The following LTBP1 variants were observed in gnomAD, a reference collection of about 807,000 sequenced individuals.
LTBP1 encodes the protein latent-transforming growth factor beta-binding protein 1.
Under a neutral mutation model 207.6 loss-of-function variants are expected in LTBP1, and 129 were observed. The observed-to-expected ratio is 0.62, with a 90% CI of 0.54 to 0.72. The LOEUF (loss-of-function observed/expected upper bound fraction) is 0.72. LTBP1 is among the 30% of genes least tolerant of loss of function. The pLI, the probability that LTBP1 is intolerant of heterozygous loss-of-function variation, is 0.00. For missense variants in LTBP1, 2,281 were observed against 2,217.2 expected, an observed-to-expected ratio of 1.03 and a Z score of -0.58; for synonymous variants, 963 against 833.7, an observed-to-expected ratio of 1.16 and a Z score of -2.67.
chr2:33,050,964 C>T (rs1193186619), intron 3 of LTBP1, among the ~76,000 whole-genome samples: 2 of 152,188 alleles, frequency 1.3e-5, no homozygotes, highest in East Asian at 3.9e-4. Context: ...ACCTTGTGAT[C>T]CACCCACCTT....
At chr2:33,114,500 G>A (rs940055510) in intron 4 of LTBP1, among the ~76,000 whole-genome samples, 21 of 152,102 alleles carry the variant, frequency 1.4e-4, no homozygotes, top group Admixed American at 2.6e-4. Flanking sequence ...TGCCTGGAAC[G>A]TGACAAAAGC....
chr2:33,161,262 C>CTTTT (rs531382337), intron 5 of LTBP1, among the ~76,000 whole-genome samples: 3 of 135,434 alleles, frequency 2.2e-5, no homozygotes, highest in East Asian at 2.1e-4. Flanking sequence ...TTTTTTTTTC[C>CTTTT]TTTTTTTTTT....
rs2078186398 is a variant in LTBP1, at chr2:33,078,176, A to C, written c.864-32406A>C. Among the ~76,000 whole-genome samples the C allele has an allele frequency of 2.0e-5, 3 of 152,206 alleles. No individual in the cohort carries two copies. The South Asian group carries it at 6.2e-4, about 32-fold the overall frequency. The stretch of plus-strand genomic sequence containing the variant: ...ATGAAATGTGATAACTGCTGTTGTA[A>C]CAGCATGAACTTGGTGTTAATCACA... On this transcript the variant is annotated intron_variant, in intron 3 of 33. Coordinates refer to ENST00000404816, the MANE Select transcript of LTBP1 (RefSeq NM_206943.4).
At chr2:33,303,456 T>A (rs2094027495) in intron 22 of LTBP1, among the ~76,000 whole-genome samples, 1 of 151,298 alleles carries the variant, frequency 6.6e-6, no homozygotes, top group South Asian at 2.1e-4. Context: ...TTCACACCAT[T>A]CTCCTGCCTC....
At chr2:33,370,207 T>A (rs1211823185) in intron 31 of LTBP1, among the ~76,000 whole-genome samples, 2 of 152,238 alleles carry the variant, frequency 1.3e-5, no homozygotes, top group East Asian at 1.9e-4. Flanking sequence ...CTAATAGGCG[T>A]CTCAGATCAA....
intron 19 of LTBP1, among the ~76,000 whole-genome samples, chr2:33,284,266 T>A (rs1230601869): frequency 6.6e-6 from 1 of 152,210 alleles, no homozygotes; most frequent in Non-Finnish European, 1.5e-5. Flanking sequence ...AGGGACTACA[T>A]TTTTTCCCTA....
At chr2:33,274,042 A>T (rs1022056853) in intron 16 of LTBP1, among the ~76,000 whole-genome samples, 1 of 152,256 alleles carries the variant, frequency 6.6e-6, no homozygotes, top group African/African-American at 2.4e-5. Flanking sequence ...CTTTTTGGGT[A>T]AAGTAAACAA....
intron 2 of LTBP1, among the ~76,000 whole-genome samples, chr2:32,985,585 G>T (rs188026042): frequency 6.6e-6 from 1 of 152,296 alleles, no homozygotes; most frequent in African/African-American, 2.4e-5. Context: ...GGATTTCCCA[G>T]ACTACAGATG....
intron 26 of LTBP1, among the ~76,000 whole-genome samples, chr2:33,354,850 C>G (rs1573986468): frequency 1.3e-5 from 2 of 152,136 alleles, no homozygotes; most frequent in African/African-American, 4.8e-5. Context: ...AAGTGATCCT[C>G]CCACCTCAGC....
chr2:33,374,401 G>T (rs2095110392), intron 31 of LTBP1, among the ~76,000 whole-genome samples: 1 of 152,148 alleles, frequency 6.6e-6, no homozygotes, highest in Non-Finnish European at 1.5e-5. Flanking sequence ...CAATCACTAT[G>T]AAAGCATTTA....
chr2:33,079,545 C>T (rs1221243137), intron 3 of LTBP1, among the ~76,000 whole-genome samples: 3 of 152,120 alleles, frequency 2.0e-5, no homozygotes, highest in Non-Finnish European at 4.4e-5. Context: ...TCAGGCATTT[C>T]CATTTTTACC....
chr2:32,957,597 G>A (rs1028600766), intron 2 of LTBP1, among the ~76,000 whole-genome samples: 4 of 152,082 alleles, frequency 2.6e-5, no homozygotes, highest in African/African-American at 9.7e-5. Context: ...AAAGATCACC[G>A]ATCACATATC....
intron 18 of LTBP1, among the ~76,000 whole-genome samples, chr2:33,276,252 T>G: frequency 6.6e-6 from 1 of 152,222 alleles, no homozygotes; most frequent in East Asian, 1.9e-4. Flanking sequence ...GGGAACATGC[T>G]GCAGGTGTAA....
rs1248832634 is a variant in LTBP1, at chr2:33,263,316, T to G, written c.2541T>G (p.Pro847=). The change falls in exon 15 of 34, where the codon CCT becomes CCG. Residue 847 remains proline, a synonymous_variant. Coordinates refer to ENST00000404816, the MANE Select transcript of LTBP1 (RefSeq NM_206943.4). ...TAGTAGTGATTGAAAAAACATCACCTCCTGTGCCTGTTGAAGTAGCTCCTG... is the reference window on the plus strand; with the variant it reads ...TAGTAGTGATTGAAAAAACATCACCGCCTGTGCCTGTTGAAGTAGCTCCTG... ...QFPVVIEKTS[P]PVPVEVAPEA... is the part of the protein sequence containing the mutation. 2 of 1,613,496 alleles carry G rather than the reference T, an allele frequency of 1.2e-6. No homozygotes were observed. Among genetic ancestry groups the G allele is most frequent in the Admixed American group, 3.3e-5 (2 of 60,012 alleles).
chr2:33,220,298 C>T (rs1018261909), intron 8 of LTBP1, among the ~76,000 whole-genome samples: 1 of 152,008 alleles, frequency 6.6e-6, no homozygotes, highest in Non-Finnish European at 1.5e-5. Context: ...AGCAGACTTT[C>T]CTTGGCTTTC....
chr2:33,363,882 A>G (rs901164747), intron 29 of LTBP1, among the ~76,000 whole-genome samples: 2 of 152,244 alleles, frequency 1.3e-5, no homozygotes, highest in Admixed American at 1.3e-4. Flanking sequence ...GCAGAAAACC[A>G]TATACACTAG....
chr2:33,107,858 C>T (rs966040096), intron 3 of LTBP1, among the ~76,000 whole-genome samples: 1 of 152,090 alleles, frequency 6.6e-6, no homozygotes, highest in Non-Finnish European at 1.5e-5. Context: ...TGAAAAATTA[C>T]GGTTACATTG....
At chr2:32,949,174 T>G (rs941102267) in intron 2 of LTBP1, among the ~76,000 whole-genome samples, 1 of 152,230 alleles carries the variant, frequency 6.6e-6, no homozygotes, top group African/African-American at 2.4e-5. Flanking sequence ...CCAAGACTTC[T>G]CTGAACTCAA....
chr2:33,259,537 G>C lies in LTBP1; in HGVS notation c.2396-51G>C. The C allele has an allele frequency of 1.5e-6, 2 of 1,318,822 alleles. 1 individual carries two copies. The highest frequency in any genetic ancestry group is 3.7e-4 in the Middle Eastern group (2 of 5,346). The allele number at this position is 1,318,822 out of a possible 1,614,324, so 81.7% of individuals were successfully genotyped here. ...GTTTTTTAAGAATTGAAATATAATAGACTGAATTGTCTTAAATGGTACTAA... is the reference window on the plus strand; with the variant it reads ...GTTTTTTAAGAATTGAAATATAATACACTGAATTGTCTTAAATGGTACTAA... On this transcript the variant is annotated intron_variant, in intron 12 of 33. Coordinates refer to ENST00000404816, the MANE Select transcript of LTBP1 (RefSeq NM_206943.4).
Sources: gnomAD v4.1 joint callset for allele counts (sites outside exome capture counted in the v4.1 genomes callset) on GRCh38, gnomAD v4.1.1 for gene constraint, MANE v1.5 for transcripts, NCBI Gene and HGNC (gene_info 2026-07-23, HGNC 2026-07-21) for gene names.